The following WWOX variants were observed in gnomAD, a reference collection of about 807,000 sequenced individuals.
WWOX encodes WW domain-containing oxidoreductase.
Under a neutral mutation model 46.2 loss-of-function variants are expected in WWOX, and 69 were observed. The ratio of observed to expected loss-of-function variants is 1.49; its 90% CI spans 1.23 to 1.82. WWOX has a LOEUF of 1.82. WWOX is among the 40% of genes most tolerant of loss of function. The pLI is 0.00. For missense variants in WWOX, 919 were observed against 542.6 expected (o/e 1.69, Z -6.89); for synonymous variants, 359 against 202.6 (o/e 1.77, Z -6.56).
At chr16:78,980,031 G>A (rs2046650002) in intron 8 of WWOX, among the ~76,000 whole-genome samples, 1 of 152,102 alleles carries the variant, frequency 6.6e-6, no homozygotes, top group African/African-American at 2.4e-5. Context: ...GGGAAGCTGA[G>A]GCAGGAGAAT....
chr16:78,101,363 T>TTTTTTTTTTTTTTTTAA (rs1555533361), intron 1 of WWOX, among the ~76,000 whole-genome samples: 1 of 143,534 alleles, frequency 7.0e-6, no homozygotes. Context: ...TTTTTTTTTT[T>TTTTTTTTTTTTTTTTAA]AAAGACAGGG....
intron 8 of WWOX, among the ~76,000 whole-genome samples, chr16:78,847,733 T>TG (rs1269916378): frequency 6.6e-6 from 1 of 151,952 alleles, no homozygotes; most frequent in East Asian, 1.9e-4. Context: ...GGCTAGGATT[T>TG]GGGGAAGGTA....
At chr16:78,146,379 C>G (rs79950054) in intron 4 of WWOX, among the ~76,000 whole-genome samples, 7,078 of 152,116 alleles carry the variant, frequency 0.047, 294 homozygotes, top group East Asian at 0.24. Context: ...GGGATCCTAC[C>G]AAGACCCTCT....
rs560026511 is a variant in WWOX at position 78,429,005 on chromosome 16, T to G, written c.792-3483T>G. On this transcript the variant is annotated intron_variant, in intron 7 of 8. Transcript: ENST00000566780. ...TCTCATCATGGGATTTGTGTTCCTT[T>G]GTTTTTTTTATTAAGGACTTGGTCC... Among the ~76,000 whole-genome samples, 6 of 152,336 alleles carry G rather than the reference T, an allele frequency of 3.9e-5. No homozygotes were observed. In the East Asian group the frequency reaches 9.6e-4, roughly 24 times the overall value.
chr16:78,887,094 GTGTGTGTGTGT>G (rs2044479062), intron 8 of WWOX, among the ~76,000 whole-genome samples: 1 of 42,852 alleles, frequency 2.3e-5, no homozygotes, highest in Non-Finnish European at 8.3e-5. Context: ...GTGTGTGTGT[GTGTGTGTGTGT>G]GTGTGTGTGT....
intron 8 of WWOX, chr16:78,551,211 C>G (rs954340526): frequency 1.3e-5 from 2 of 152,084 alleles, no homozygotes; most frequent in Admixed American, 6.5e-5. Flanking sequence ...AAACAAAATA[C>G]TGTGAAATCA....
intron 8 of WWOX, among the ~76,000 whole-genome samples, chr16:78,845,051 A>G (rs568034352): frequency 5.8e-4 from 89 of 152,276 alleles, no homozygotes; most frequent in South Asian, 1.0e-3. Context: ...GCTACAGACA[A>G]ATGGAAAACC....
chr16:78,887,982 G>A (rs1006017455), intron 8 of WWOX, among the ~76,000 whole-genome samples: 10 of 152,152 alleles, frequency 6.6e-5, no homozygotes, highest in African/African-American at 1.9e-4. Context: ...AAACTTTGGC[G>A]ACATGACATC....
chr16:78,985,211 G>A (rs1485917290), intron 8 of WWOX, among the ~76,000 whole-genome samples: 1 of 152,210 alleles, frequency 6.6e-6, no homozygotes, highest in African/African-American at 2.4e-5. Context: ...TCTGGAGAGA[G>A]CTCCATTTCC....
chr16:78,465,755 T>C (rs576147336), intron 8 of WWOX, among the ~76,000 whole-genome samples: 10 of 152,328 alleles, frequency 6.6e-5, no homozygotes, highest in African/African-American at 2.4e-4. Context: ...GCACCAGTAG[T>C]GTAATCACCT....
intron 5 of WWOX, among the ~76,000 whole-genome samples, chr16:78,249,061 G>T (rs1380331417): frequency 6.6e-6 from 1 of 151,928 alleles, no homozygotes. Context: ...GTTTCACCAG[G>T]CCAGACTGGT....
intron 4 of WWOX, among the ~76,000 whole-genome samples, chr16:78,163,366 G>GTA (rs908732465): frequency 2.0e-5 from 3 of 152,304 alleles, no homozygotes; most frequent in Admixed American, 6.5e-5. Context: ...TACAGCGAGG[G>GTA]TATAACTCTT....
intron 8 of WWOX, among the ~76,000 whole-genome samples, chr16:78,780,011 A>G (rs571267558): frequency 3.4e-4 from 52 of 152,308 alleles, no homozygotes; most frequent in Non-Finnish European, 1.5e-4. Flanking sequence ...TCTCTGGAAC[A>G]TAGTCAATGG....
At chr16:79,172,743 C>T (rs867736686) in intron 8 of WWOX, among the ~76,000 whole-genome samples, 3 of 152,048 alleles carry the variant, frequency 2.0e-5, no homozygotes, top group African/African-American at 2.4e-5. Context: ...AATGCCTTCA[C>T]GGCCAGTTAT....
chr16:79,104,910 C>T (rs974866183), intron 8 of WWOX, among the ~76,000 whole-genome samples: 8 of 152,190 alleles, frequency 5.3e-5, no homozygotes, highest in African/African-American at 1.4e-4. Flanking sequence ...ATAGACTCTG[C>T]GCCTGGCTAA....
chr16:79,191,177 C>T (rs1030185610), intron 8 of WWOX, among the ~76,000 whole-genome samples: 1 of 152,130 alleles, frequency 6.6e-6, no homozygotes, highest in Non-Finnish European at 1.5e-5. Flanking sequence ...CCTCAGCTTC[C>T]CGAGTAGCTG....
intron 8 of WWOX, among the ~76,000 whole-genome samples, chr16:78,917,979 G>A (rs2045291187): frequency 6.6e-6 from 1 of 152,090 alleles, no homozygotes; most frequent in African/African-American, 2.4e-5. Context: ...AGGCAGGAGG[G>A]CCACTTGAGG....
At chr16:78,142,431 A>C (rs996802602) in intron 4 of WWOX, among the ~76,000 whole-genome samples, 1 of 152,218 alleles carries the variant, frequency 6.6e-6, no homozygotes, top group Non-Finnish European at 1.5e-5. Context: ...ATCAAGCTGC[A>C]AAAGAACTAG....
At chr16:78,825,280 G>C (rs924176990) in intron 8 of WWOX, 3 of 283,138 alleles carry the variant, frequency 1.1e-5, no homozygotes, top group East Asian at 8.3e-5. Flanking sequence ...GCAGCAGCAT[G>C]ATGGCCGCGC....
Sources: gnomAD v4.1 joint callset for allele counts (sites outside exome capture counted in the v4.1 genomes callset) on GRCh38, gnomAD v4.1.1 for gene constraint, MANE v1.5 for transcripts, NCBI Gene and HGNC (gene_info 2026-07-23, HGNC 2026-07-21) for gene names.